Variants in GABRG3 observed in about 807,000 individuals in gnomAD.
The protein encoded by GABRG3 is gamma-aminobutyric acid receptor subunit gamma-3.
Under a neutral mutation model 48.8 loss-of-function variants are expected in GABRG3, and 25 were observed. The ratio of observed to expected loss-of-function variants is 0.51; its 90% CI spans 0.37 to 0.72. GABRG3 has a LOEUF of 0.72. Ranked by LOEUF, GABRG3 falls within the 30% of genes least tolerant of loss-of-function variation. GABRG3 has a pLI of 0.00. For missense variants in GABRG3, 394 were observed against 577.9 expected (o/e 0.68, Z 3.26); for synonymous variants, 227 against 217.6 (o/e 1.04, Z -0.38).
intron 2 of GABRG3, among the ~76,000 whole-genome samples, chr15:26,991,914 G>A (rs1480462301): frequency 6.6e-6 from 1 of 151,948 alleles, no homozygotes; most frequent in Non-Finnish European, 1.5e-5. Flanking sequence ...TAGAGATGGG[G>A]TTTCACCGTG....
In GABRG3 at chr15:27,258,787, A is replaced by G. The variant is rs146104591; in HGVS notation, c.271-68022A>G. On this transcript the variant is annotated intron_variant, in intron 3 of 9. Coordinates refer to ENST00000615808, the MANE Select transcript of GABRG3 (RefSeq NM_033223.5). ...CTCTCTTCCAGCTTTTTGAAAATGT[A>G]CAGTAAGTTATAGTTAACCGTATTC... Among the ~76,000 whole-genome samples the G allele has an allele frequency of 6.0e-3, 917 of 152,244 alleles. 8 individuals carry two copies. The highest frequency in any genetic ancestry group is 0.02 in the African/African-American group (847 of 41,542).
At chr15:27,350,654 C>A (rs1894533119) in intron 5 of GABRG3, among the ~76,000 whole-genome samples, 1 of 152,090 alleles carries the variant, frequency 6.6e-6, no homozygotes. Flanking sequence ...AGGGCCAGCG[C>A]TGGAGGATGG....
At position 27,226,951 on chromosome 15, in the gene GABRG3, T is replaced by C. The variant is rs12595045; in HGVS notation, c.271-99858T>C. On this transcript the variant is annotated intron_variant, in intron 3 of 9. Coordinates refer to ENST00000615808, the MANE Select transcript of GABRG3 (RefSeq NM_033223.5). Reference sequence around the variant, plus strand: ...GCCTCTGCCTCCTAAAGCAGTACTATTTATCCCCAAAGAACATTTTATTCT... The same window carrying C: ...GCCTCTGCCTCCTAAAGCAGTACTACTTATCCCCAAAGAACATTTTATTCT... Among the ~76,000 whole-genome samples, 928 of 152,310 alleles carry C rather than the reference T, an allele frequency of 6.1e-3. 30 individuals carry two copies. In the South Asian group the frequency reaches 0.074, roughly 12 times the overall value.
At chr15:27,248,513 A>G (rs1399997836) in intron 3 of GABRG3, among the ~76,000 whole-genome samples, 2 of 152,156 alleles carry the variant, frequency 1.3e-5, no homozygotes, top group Non-Finnish European at 2.9e-5. Context: ...GCAAAGAACT[A>G]CAGTAAAATT....
intron 3 of GABRG3, among the ~76,000 whole-genome samples, chr15:27,229,275 T>A (rs1408619686): frequency 6.6e-6 from 1 of 152,218 alleles, no homozygotes; most frequent in Non-Finnish European, 1.5e-5. Flanking sequence ...GCTTCAATCT[T>A]CTGCATATGG....
chr15:27,107,895 T>C (rs1178555381), intron 3 of GABRG3, among the ~76,000 whole-genome samples: 1 of 151,710 alleles, frequency 6.6e-6, no homozygotes, highest in Non-Finnish European at 1.5e-5. Context: ...TTAATGTTCA[T>C]GGGTGATTAG....
At chr15:27,025,878 C>T (rs898448631) in intron 2 of GABRG3, among the ~76,000 whole-genome samples, 1 of 152,176 alleles carries the variant, frequency 6.6e-6, no homozygotes, top group African/African-American at 2.4e-5. Flanking sequence ...ATTGGCTCTG[C>T]GTCATCCTTT....
At position 27,071,386 on chromosome 15, in the gene GABRG3, T is replaced by C. The variant is rs1362902112; in HGVS notation, c.270+44565T>C. Among the ~76,000 whole-genome samples the C allele has an allele frequency of 2.0e-5, 3 of 152,328 alleles. No individual in the cohort carries two copies. In the East Asian group the frequency reaches 5.8e-4, roughly 29 times the overall value. ...GAGGCTAGAGGAAGGCCTGTGCTAA[T>C]TGCACACTAGCTGACATACCTGCCC... On this transcript the variant is annotated intron_variant, in intron 3 of 9. Transcript: ENST00000615808.
intron 2 of GABRG3, among the ~76,000 whole-genome samples, chr15:27,023,194 A>G (rs1456578045): frequency 1.3e-5 from 2 of 152,218 alleles, no homozygotes; most frequent in Non-Finnish European, 1.5e-5. Flanking sequence ...TTTAAAAAAT[A>G]GAATCTGCTT....
chr15:27,105,851 A>G (rs1468587047), intron 3 of GABRG3, among the ~76,000 whole-genome samples: 1 of 152,156 alleles, frequency 6.6e-6, no homozygotes, highest in Admixed American at 6.5e-5. Context: ...CGTATCCACA[A>G]TAGCCAAGAT....
At chr15:27,493,812 G>C (rs1890416278) in intron 6 of GABRG3, among the ~76,000 whole-genome samples, 1 of 152,194 alleles carries the variant, frequency 6.6e-6, no homozygotes, top group African/African-American at 2.4e-5. Context: ...CACACTGACA[G>C]TTGATTGATT....
chr15:27,131,824 T>C (rs1897921019), intron 3 of GABRG3, among the ~76,000 whole-genome samples: 1 of 152,098 alleles, frequency 6.6e-6, no homozygotes, highest in Non-Finnish European at 1.5e-5. Context: ...GTCTTTTTGA[T>C]AATTGGGGTA....
At chr15:27,419,222 CA>C (rs1202738415) in intron 5 of GABRG3, 1 of 152,276 alleles carries the variant, frequency 6.6e-6, no homozygotes, top group Non-Finnish European at 1.5e-5. Context: ...TCTGGCCCTA[CA>C]GTGCCCACTG....
rs1426998051 is a variant in GABRG3 at position 27,457,018 on chromosome 15, C to T, written c.575-23632C>T. 2.6e-5 allele frequency among the ~76,000 whole-genome samples: 4 copies of T among 152,214 alleles called. No homozygotes were observed. In the East Asian group the frequency reaches 7.7e-4, roughly 29 times the overall value. On this transcript the variant is annotated intron_variant, in intron 5 of 9. Transcript: ENST00000615808. This position sits in a 1 kb window ranked among gnomAD's most constrained non-coding sequence, Gnocchi z 4.4. ...CCCGAGCTCCACCTACCACGCCGAC[C>T]TCAGAAGGACCTGTGACAGCAGGGG... is the stretch of plus-strand genomic sequence containing the variant.
intron 6 of GABRG3, among the ~76,000 whole-genome samples, chr15:27,508,546 C>T: frequency 6.6e-6 from 1 of 152,110 alleles, no homozygotes; most frequent in African/African-American, 2.4e-5. Flanking sequence ...CATAAATACA[C>T]TCATTTATTA....
At chr15:27,497,552 AT>A (rs901809724) in intron 6 of GABRG3, among the ~76,000 whole-genome samples, 1 of 152,194 alleles carries the variant, frequency 6.6e-6, no homozygotes, top group African/African-American at 2.4e-5. Context: ...GAATGCCTAA[AT>A]TTCTTTATTC....
At chr15:27,502,515 A>G (rs990945027) in intron 6 of GABRG3, among the ~76,000 whole-genome samples, 1 of 152,156 alleles carries the variant, frequency 6.6e-6, no homozygotes, top group Non-Finnish European at 1.5e-5. Flanking sequence ...TCAGTTCTGC[A>G]GGGGACACCA....
rs10562407 is a variant in GABRG3 at position 27,397,802 on chromosome 15, ATTT to A, written c.574+68932_574+68934del. On this transcript the variant is annotated intron_variant, in intron 5 of 9. Coordinates refer to ENST00000615808, the MANE Select transcript of GABRG3 (RefSeq NM_033223.5). ...TCCAAGGCATTTTCTTCTCTGAAAA[ATTT>A]TTTTTTTTTTTTTTTTTGAGACGGA... is the stretch of plus-strand genomic sequence containing the variant. Among the ~76,000 whole-genome samples, 424 of 122,272 alleles carry A rather than the reference ATTT, an allele frequency of 3.5e-3. 1 individual carries two copies. Among genetic ancestry groups the A allele is most frequent in the African/African-American group, 5.9e-3 (196 of 33,488 alleles). The allele number at this position is 122,272 out of a possible 152,430, so 80.2% of individuals were successfully genotyped here. A position where few individuals can be genotyped will look rare whatever the true frequency, so the allele number is the denominator to read the frequency against.
At chr15:27,086,157 G>A (rs1435466229) in intron 3 of GABRG3, among the ~76,000 whole-genome samples, 1 of 151,130 alleles carries the variant, frequency 6.6e-6, no homozygotes, top group Non-Finnish European at 1.5e-5. Context: ...TGGAGTAGAG[G>A]GAGTAAGGGG....
Sources: gnomAD v4.1 joint callset for allele counts (sites outside exome capture counted in the v4.1 genomes callset) on GRCh38, gnomAD v4.1.1 for gene constraint, Gnocchi (gnomAD v3.1) non-coding constraint, MANE v1.5 for transcripts, NCBI Gene and HGNC (gene_info 2026-07-23, HGNC 2026-07-21) for gene names.